PRR11: variants seen among roughly 807,000 people sequenced by gnomAD.
The protein encoded by PRR11 is proline rich 11.
In PRR11, 30 loss-of-function variants were observed where a neutral mutation model predicts 45.6. The ratio of observed to expected loss-of-function variants is 0.66; its 90% CI spans 0.49 to 0.89. The LOEUF is 0.89. PRR11 is among the 40% of genes least tolerant of loss of function. The pLI is 0.00. For missense variants in PRR11, 373 were observed against 424.8 expected (o/e 0.88, Z 1.07); for synonymous variants, 128 against 153.5 (o/e 0.83, Z 1.23).
intron 2 of PRR11, among the ~76,000 whole-genome samples, chr17:59,172,547 G>T (rs1458922032): frequency 6.6e-6 from 1 of 152,228 alleles, no homozygotes; most frequent in East Asian, 1.9e-4. Flanking sequence ...CGGGAACCGG[G>T]GCTGCGCGCT....
At chr17:59,160,201 C>A (rs1406490801) in intron 1 of PRR11, among the ~76,000 whole-genome samples, 1 of 152,022 alleles carries the variant, frequency 6.6e-6, no homozygotes, top group Non-Finnish European at 1.5e-5. Flanking sequence ...GAAGTAAGTT[C>A]CTATTAATAT....
At chr17:59,196,714 A>C (rs1447998218) in intron 7 of PRR11, among the ~76,000 whole-genome samples, 3 of 151,942 alleles carry the variant, frequency 2.0e-5, no homozygotes, top group African/African-American at 7.3e-5. Context: ...TCTTCAGTGG[A>C]CATCCTTGCC....
At chr17:59,188,453 AT>A (rs2046824570) in intron 4 of PRR11, among the ~76,000 whole-genome samples, 1 of 152,204 alleles carries the variant, frequency 6.6e-6, no homozygotes, top group Non-Finnish European at 1.5e-5. Context: ...TTGCGGTGTG[AT>A]TTGAAAAATA....
rs2687066 is a variant in PRR11 at position 59,206,146 on chromosome 17, C to T, written c.*4515C>T. 1.1e-4 allele frequency among the ~76,000 whole-genome samples: 17 copies of T among 152,212 alleles called. No individual in the cohort carries two copies. Among genetic ancestry groups the T allele is most frequent in the South Asian group, 4.2e-4 (2 of 4,818 alleles). On this transcript the variant is annotated 3_prime_UTR_variant, in exon 10 of 10. Coordinates refer to ENST00000262293, the MANE Select transcript of PRR11 (RefSeq NM_018304.4). The stretch of plus-strand genomic sequence containing the variant: ...CTTTGGGAGGCTAAGGCAGGAGGTT[C>T]GCTTGAGGCCAAGAGTTCAAAACAA...
At chr17:59,160,360 C>T (rs2046645157) in intron 1 of PRR11, among the ~76,000 whole-genome samples, 1 of 152,108 alleles carries the variant, frequency 6.6e-6, no homozygotes, top group African/African-American at 2.4e-5. Context: ...AGTATACTTC[C>T]TCTTGTTGTT....
intron 2 of PRR11, among the ~76,000 whole-genome samples, chr17:59,181,205 G>T (rs979543800): frequency 1.3e-5 from 2 of 150,852 alleles, no homozygotes; most frequent in African/African-American, 4.9e-5. Context: ...AGCCAGGATG[G>T]TCTCGATCTC....
At chr17:59,171,049 G>GGA (rs1294823642) in intron 2 of PRR11, among the ~76,000 whole-genome samples, 2 of 152,062 alleles carry the variant, frequency 1.3e-5, no homozygotes, top group Non-Finnish European at 2.9e-5. Flanking sequence ...CATGAGGTCA[G>GGA]GAGATCGAGA....
chr17:59,179,006 T>G lies in PRR11; in HGVS notation c.129-6048T>G, dbSNP rs116435064. On this transcript the variant is annotated intron_variant, in intron 2 of 9. Transcript: ENST00000262293. ...TTTTATTGTGATTTATTGATTTATT[T>G]ATTTATTTATTGAGATGGAGTCTCG... 6.4e-3 allele frequency among the ~76,000 whole-genome samples: 979 copies of G among 152,236 alleles called. 6 individuals are homozygous for G. Among genetic ancestry groups the G allele is most frequent in the African/African-American group, 0.022 (897 of 41,536 alleles).
chr17:59,189,655 G>A (rs879694224), intron 4 of PRR11, among the ~76,000 whole-genome samples: 1 of 151,888 alleles, frequency 6.6e-6, no homozygotes, highest in Admixed American at 6.6e-5. Context: ...ATTGAGACTA[G>A]GTGGGACTCC....
At chr17:59,195,496 T>C in intron 7 of PRR11, 53 bp downstream of exon 7, 1 of 1,224,048 alleles carries the variant, frequency 8.2e-7, no homozygotes. Context: ...AATGATATTG[T>C]TGTACAAAGG....
Position 59,204,372 on chromosome 17 carries a change from G to A in PRR11, c.*2741G>A, listed in dbSNP as rs1224740398. ...GATTGTGCCACTGTATTCCATCCTGGGCAACAGAGCCAGACCCTGCCTCAA... is the reference window on the plus strand; with the variant it reads ...GATTGTGCCACTGTATTCCATCCTGAGCAACAGAGCCAGACCCTGCCTCAA... On this transcript the variant is annotated 3_prime_UTR_variant, in exon 10 of 10. Transcript: ENST00000262293. The A allele has an allele frequency of 1.4e-5, 2 of 142,788 alleles. No individual in the cohort carries two copies. The highest frequency in any genetic ancestry group is 4.1e-4 in the East Asian group (2 of 4,884). 8.8% of individuals were successfully genotyped at this position (142,788 alleles called of 1,614,324 possible).
intron 4 of PRR11, among the ~76,000 whole-genome samples, chr17:59,193,029 A>G (rs2046846482): frequency 6.6e-6 from 1 of 152,210 alleles, no homozygotes; most frequent in South Asian, 2.1e-4. Context: ...GTTCATGCTC[A>G]TAGCACACTT....
intron 1 of PRR11, among the ~76,000 whole-genome samples, chr17:59,160,093 AG>A (rs920048096): frequency 6.6e-6 from 1 of 152,142 alleles, no homozygotes; most frequent in Non-Finnish European, 1.5e-5. Context: ...CAAAAAAAAA[AG>A]AATCAAAGAA....
chr17:59,166,369 G>A (rs2046680413), intron 1 of PRR11, among the ~76,000 whole-genome samples: 1 of 152,108 alleles, frequency 6.6e-6, no homozygotes, highest in South Asian at 2.1e-4. Flanking sequence ...ACTAAAAGCA[G>A]CAAAGCCCTT....
intron 9 of PRR11, among the ~76,000 whole-genome samples, chr17:59,200,431 C>T (rs2046886694): frequency 6.6e-6 from 1 of 151,954 alleles, no homozygotes; most frequent in Non-Finnish European, 1.5e-5. Context: ...TCTGCCTTGA[C>T]AAATAAATAA....
At position 59,170,030 on chromosome 17, in the gene PRR11, A is replaced by G. The variant is rs2046699619; in HGVS notation, c.128+150A>G. On this transcript the variant is annotated intron_variant, in intron 2 of 9. Transcript: ENST00000262293. Reference sequence around the variant, plus strand: ...CACTTTGGGAGGCCGAGGTGGGTGGATTACCTGAGGTCAGGAGTTCAAGAC... The same window carrying G: ...CACTTTGGGAGGCCGAGGTGGGTGGGTTACCTGAGGTCAGGAGTTCAAGAC... 12 of 1,041,418 alleles carry G rather than the reference A, an allele frequency of 1.2e-5. No individual in the cohort carries two copies. In the South Asian group the frequency reaches 2.9e-4, roughly 25 times the overall value. 64.5% of individuals were successfully genotyped at this position (1,041,418 alleles called of 1,614,324 possible). A position where few individuals can be genotyped will look rare whatever the true frequency, so the allele number is the denominator to read the frequency against.
At chr17:59,177,667 A>G (rs1203096094) in intron 2 of PRR11, among the ~76,000 whole-genome samples, 1 of 152,182 alleles carries the variant, frequency 6.6e-6, no homozygotes, top group Non-Finnish European at 1.5e-5. Flanking sequence ...GGGGCCACTC[A>G]TTCACTCAGC....
At chr17:59,185,287 C>T in intron 3 of PRR11, 83 bp downstream of exon 3, 1 of 1,539,278 alleles carries the variant, frequency 6.5e-7, no homozygotes, top group African/African-American at 1.4e-5. Flanking sequence ...CAAGTCAGTC[C>T]AACCCTCAAG....
intron 2 of PRR11, among the ~76,000 whole-genome samples, chr17:59,176,068 A>G (rs942187461): frequency 2.0e-5 from 3 of 152,226 alleles, no homozygotes; most frequent in Non-Finnish European, 4.4e-5. Flanking sequence ...AAAAGTTGCA[A>G]GATGAGGGAA....
Sources: allele counts gnomAD v4.1 joint callset (sites outside exome capture counted in the v4.1 genomes callset), GRCh38; gene constraint gnomAD v4.1.1; transcripts MANE v1.5; gene names NCBI Gene and HGNC (gene_info 2026-07-23, HGNC 2026-07-21).